Variants in MGAM2 observed in about 807,000 individuals in gnomAD.
The protein encoded by MGAM2 is maltase-glucoamylase 2 (putative).
MGAM2 carries 98 observed loss-of-function variants against 96.1 expected under a neutral mutation model. That is an observed-to-expected ratio of 1.02 (90% confidence interval 0.87 to 1.21). MGAM2 has a LOEUF of 1.21. Among genes scored for constraint, MGAM2 ranks in the 50% most tolerant of loss-of-function variants. The pLI, the probability that MGAM2 is intolerant of heterozygous loss-of-function variation, is 0.00. For synonymous variants in MGAM2, 749 were observed against 414.8 expected, an observed-to-expected ratio of 1.81 and a Z score of -9.79; for missense variants, 2,055 against 1,182.4, an observed-to-expected ratio of 1.74 and a Z score of -10.82.
At chr7:142,159,688 C>CT (rs1224060760) in intron 20 of MGAM2, among the ~76,000 whole-genome samples, 1 of 152,112 alleles carries the variant, frequency 6.6e-6, no homozygotes, top group Non-Finnish European at 1.5e-5. Flanking sequence ...TCACAAAAGT[C>CT]TCCCCACCCC....
intron 45 of MGAM2, among the ~76,000 whole-genome samples, chr7:142,207,775 C>G (rs562338901): frequency 6.6e-6 from 1 of 152,020 alleles, no homozygotes; most frequent in Non-Finnish European, 1.5e-5. Context: ...AAAGGAGATG[C>G]GGTAGTAGCT....
At chr7:142,194,688 ATGTGTGTATG>A (rs1472775365) in intron 37 of MGAM2, among the ~76,000 whole-genome samples, 19 of 112,160 alleles carry the variant, frequency 1.7e-4, no homozygotes, top group African/African-American at 3.2e-4. Flanking sequence ...TTAATAGAAC[ATGTGTGTATG>A]TGTGTGTGTG....
intron 46 of MGAM2, among the ~76,000 whole-genome samples, chr7:142,217,269 T>A (rs946587960): frequency 6.6e-6 from 1 of 152,220 alleles, no homozygotes; most frequent in Non-Finnish European, 1.5e-5. Flanking sequence ...CACACTGTCC[T>A]CAGTCTAGGG....
chr7:142,207,254 T>A (rs1797431181), intron 45 of MGAM2, among the ~76,000 whole-genome samples: 1 of 152,006 alleles, frequency 6.6e-6, no homozygotes, highest in East Asian at 1.9e-4. Flanking sequence ...CTGAACAGTG[T>A]GAGGAGATAT....
chr7:142,173,605 T>C (rs1323311563), intron 31 of MGAM2, among the ~76,000 whole-genome samples: 10 of 152,222 alleles, frequency 6.6e-5, no homozygotes, highest in Admixed American at 6.5e-5. Flanking sequence ...TGGTTTATTC[T>C]TTTCCAAATT....
chr7:142,197,420 G>A lies in MGAM2; in HGVS notation c.4653G>A (p.Trp1551Ter). ...TACAGAGACAAGATCCTGTGGCCTG[G>A]AATTCAACCTTTGAGATGTTGTCCA... The part of the protein sequence containing the change: ...IGTRRQDPVA[W>*]NSTFEMLSRK... Residue 1551 changes from tryptophan (W) to a stop codon, truncating the protein, a stop_gained, in exon 41 of 48, where the codon TGG becomes TGA. Transcript: ENST00000477922. LOFTEE classifies it high-confidence loss of function. 1 of 702,936 alleles carries A rather than the reference G, an allele frequency of 1.4e-6. No homozygotes were observed. The highest frequency in any genetic ancestry group is 2.6e-6 in the Non-Finnish European group (1 of 384,990). 43.5% of individuals were successfully genotyped at this position (702,936 alleles called of 1,614,324 possible).
At chr7:142,152,557 G>GTT (rs1795611864) in intron 15 of MGAM2, among the ~76,000 whole-genome samples, 1 of 152,150 alleles carries the variant, frequency 6.6e-6, no homozygotes, top group Admixed American at 6.5e-5. Context: ...AACTTCCCAG[G>GTT]AAAATGAAGT....
chr7:142,218,897 CTGTTGAAGGTTGCCCCCA>C (rs568748991), intron 47 of MGAM2, among the ~76,000 whole-genome samples: 168 of 152,288 alleles, frequency 1.1e-3, no homozygotes, highest in African/African-American at 3.7e-3. Flanking sequence ...TTCCCTAAAG[CTGTTGAAGGTTGCCCCCA>C]TGCTTCCTGC....
chr7:142,171,633 T>TATATATATTTCCCTCTGTCAGTTATGG (rs1796193041), intron 28 of MGAM2, among the ~76,000 whole-genome samples, 193 bp downstream of exon 28: 1 of 85,104 alleles, frequency 1.2e-5, no homozygotes, highest in African/African-American at 4.8e-5. Context: ...TATATATATA[T>TATATATATTTCCCTCTGTCAGTTATGG]ATATATATAT....
intron 32 of MGAM2, among the ~76,000 whole-genome samples, chr7:142,176,394 T>A (rs1796379795): frequency 1.3e-5 from 2 of 152,244 alleles, no homozygotes; most frequent in South Asian, 2.1e-4. Flanking sequence ...TGGTGACTTT[T>A]GCTCACTTAC....
Position 142,211,917 on chromosome 7 carries a change from A to G in MGAM2, c.5187+3295A>G, listed in dbSNP as rs1797597838. ...GATTCACCAAGGTTGAAATGAAGGA[A>G]AAAATGTTAAGGTCAGCCAGAGAGG... On this transcript the variant is annotated intron_variant, in intron 46 of 47. Transcript: ENST00000477922. 2.6e-5 allele frequency among the ~76,000 whole-genome samples: 4 copies of G among 152,228 alleles called. No homozygotes were observed. In the South Asian group the frequency reaches 8.3e-4, roughly 31 times the overall value.
chr7:142,130,614 C>T (rs1458126738), intron 3 of MGAM2, among the ~76,000 whole-genome samples: 2 of 152,148 alleles, frequency 1.3e-5, no homozygotes, highest in Admixed American at 6.5e-5. Context: ...CTGTGTGTTC[C>T]CTCAGCTCCT....
intron 6 of MGAM2, among the ~76,000 whole-genome samples, chr7:142,132,452 AT>A: frequency 7.1e-6 from 1 of 140,724 alleles, no homozygotes; most frequent in Non-Finnish European, 1.5e-5. Context: ...TAATATTATA[AT>A]TATATTTAAA....
At chr7:142,116,756 T>G (rs529636814) in intron 1 of MGAM2, 118 bp from the exon 2 acceptor site, 1 of 657,992 alleles carries the variant, frequency 1.5e-6, no homozygotes, top group African/African-American at 1.8e-5. Context: ...GTAAAGAGGA[T>G]GCTGATAATC....
At chr7:142,189,286 A>C (rs960933799) in intron 36 of MGAM2, 81 bp from the exon 37 acceptor site, 10 of 570,318 alleles carry the variant, frequency 1.8e-5, no homozygotes, top group Admixed American at 1.2e-4. Flanking sequence ...TGATTGAAGT[A>C]AAGAAATGCC....
chr7:142,121,817 T>G (rs185621059), intron 3 of MGAM2, among the ~76,000 whole-genome samples: 1 of 151,754 alleles, frequency 6.6e-6, no homozygotes, highest in Non-Finnish European at 1.5e-5. Context: ...TATAGGAAAA[T>G]AAGGATAATT....
In MGAM2 at chr7:142,120,881, C is replaced by T. The variant is rs368561112; in HGVS notation, c.186+500C>T. ...TTGGCAATAGAGGTCCCAATGGATA[C>T]GTGCTAAGGAACACAGGTTTTCTCC... On this transcript the variant is annotated intron_variant, in intron 3 of 47. Coordinates refer to ENST00000477922, the MANE Select transcript of MGAM2 (RefSeq NM_001293626.2). Among the ~76,000 whole-genome samples, 28 of 152,252 alleles carry T rather than the reference C, an allele frequency of 1.8e-4. No individual in the cohort carries two copies. The East Asian group carries it at 3.1e-3, about 17-fold the overall frequency.
chr7:142,181,396 C>T (rs957079947), intron 32 of MGAM2, among the ~76,000 whole-genome samples: 11 of 151,990 alleles, frequency 7.2e-5, no homozygotes, highest in African/African-American at 1.5e-4. Context: ...ATTTAGGCTG[C>T]GATACAGTAG....
At chr7:142,176,108 A>AGG (rs1554509688) in intron 32 of MGAM2, among the ~76,000 whole-genome samples, 1 of 114,852 alleles carries the variant, frequency 8.7e-6, no homozygotes, top group Non-Finnish European at 1.8e-5. Flanking sequence ...AAAAAAAAAA[A>AGG]GGGGGGGGCA....
Sources: gnomAD v4.1 joint callset for allele counts (sites outside exome capture counted in the v4.1 genomes callset) on GRCh38, gnomAD v4.1.1 for gene constraint, MANE v1.5 for transcripts, NCBI Gene and HGNC (gene_info 2026-07-23, HGNC 2026-07-21) for gene names.